CTNNA2: variants seen among roughly 807,000 people sequenced by gnomAD.
CTNNA2 encodes the protein catenin alpha-2.
CTNNA2 carries 42 observed loss-of-function variants against 101.0 expected under a neutral mutation model. The ratio of observed to expected loss-of-function variants is 0.42; its 90% confidence interval spans 0.32 to 0.54. CTNNA2 has a LOEUF of 0.54. Ranked by LOEUF, CTNNA2 falls within the 20% of genes least tolerant of loss-of-function variation. The pLI is 0.14. For synonymous variants in CTNNA2, 450 were observed against 456.4 expected, an observed-to-expected ratio of 0.99 and a Z score of 0.18; for missense variants, 871 against 1,223.1, an observed-to-expected ratio of 0.71 and a Z score of 4.29.
intron 7 of CTNNA2, among the ~76,000 whole-genome samples, chr2:80,158,910 C>CAA (rs57487842): frequency 4.5e-5 from 4 of 89,054 alleles, no homozygotes; most frequent in Admixed American, 1.3e-4. Context: ...GACTCCGTCT[C>CAA]AAAAAAAAAA....
chr2:79,892,412 G>T (rs2104216450), intron 6 of CTNNA2, among the ~76,000 whole-genome samples: 1 of 151,180 alleles, frequency 6.6e-6, no homozygotes, highest in East Asian at 1.9e-4. Flanking sequence ...CTCATTACCT[G>T]TATTAAAAAA....
intron 7 of CTNNA2, among the ~76,000 whole-genome samples, chr2:80,013,109 T>C (rs980150786): frequency 2.6e-5 from 4 of 152,144 alleles, no homozygotes; most frequent in Non-Finnish European, 5.9e-5. Flanking sequence ...GAGGCTGCAG[T>C]GAGCTATGAT....
chr2:79,238,551 A>G (rs1674585755), intron 2 of CTNNA2, among the ~76,000 whole-genome samples: 1 of 152,248 alleles, frequency 6.6e-6, no homozygotes, highest in Non-Finnish European at 1.5e-5. Flanking sequence ...ATTTGTATTA[A>G]AAAAAGTGAA....
Position 80,302,411 on chromosome 2 carries a change from T to C in CTNNA2, c.1057-90800T>C. On this transcript the variant is annotated intron_variant, in intron 7 of 18. Transcript: ENST00000402739. This position sits in a 1 kb window ranked among gnomAD's most constrained non-coding sequence, Gnocchi z 6.4. ...ATGCATGGTCTGTTTCTGCTTTTGC[T>C]TCCTGCGCTGCGTGACAAAGCACTG... The C allele has an allele frequency of 6.2e-7, 1 of 1,614,248 alleles. No individual in the cohort carries two copies. The highest frequency in any genetic ancestry group is 8.5e-7 in the Non-Finnish European group (1 of 1,180,046).
intron 1 of CTNNA2, 128 bp downstream of exon 1, chr2:79,513,335 C>T (rs530777423): frequency 6.7e-6 from 1 of 149,902 alleles, no homozygotes; most frequent in Non-Finnish European, 1.5e-5. Context: ...CAACATCCCT[C>T]TCTCCTCTCC....
At chr2:79,705,840 T>G (rs1267223498) in intron 2 of CTNNA2, among the ~76,000 whole-genome samples, 1 of 152,220 alleles carries the variant, frequency 6.6e-6, no homozygotes, top group Non-Finnish European at 1.5e-5. Flanking sequence ...AAAAAGAGTA[T>G]GCTTCTTTGC....
At chr2:79,377,797 T>C (rs1677994648) in intron 4 of CTNNA2, among the ~76,000 whole-genome samples, 1 of 152,140 alleles carries the variant, frequency 6.6e-6, no homozygotes, top group Non-Finnish European at 1.5e-5. Context: ...GCCTTTATTA[T>C]AGCAAGTATC....
At chr2:79,983,793 C>A (rs904387670) in intron 7 of CTNNA2, among the ~76,000 whole-genome samples, 1 of 152,138 alleles carries the variant, frequency 6.6e-6, no homozygotes, top group Non-Finnish European at 1.5e-5. Flanking sequence ...ACTAGTACTG[C>A]AAAGCCATTG....
At chr2:80,545,788 C>A in intron 10 of CTNNA2, 119 bp from the exon 11 acceptor site, 1 of 927,626 alleles carries the variant, frequency 1.1e-6, no homozygotes, top group Non-Finnish European at 1.6e-6. Context: ...TTCTGAACAC[C>A]AAGAACCCAC....
intron 9 of CTNNA2, among the ~76,000 whole-genome samples, chr2:80,456,404 C>A (rs942236698): frequency 2.0e-5 from 3 of 152,146 alleles, no homozygotes; most frequent in African/African-American, 7.2e-5. Flanking sequence ...AATACTGCAA[C>A]TGATGTAGTC....
intron 7 of CTNNA2, among the ~76,000 whole-genome samples, chr2:80,343,708 C>G (rs558809351): frequency 7.2e-5 from 11 of 152,154 alleles, no homozygotes; most frequent in Non-Finnish European, 1.5e-4. Flanking sequence ...CCTTTTGAAC[C>G]AATAAAAGGA....
At chr2:79,680,164 G>C (rs1373354135) in intron 2 of CTNNA2, among the ~76,000 whole-genome samples, 1 of 151,984 alleles carries the variant, frequency 6.6e-6, no homozygotes, top group Non-Finnish European at 1.5e-5. Flanking sequence ...TTTTGGTGTT[G>C]TTTTAAATGA....
At chr2:79,763,456 G>T (rs947517265) in intron 3 of CTNNA2, among the ~76,000 whole-genome samples, 3 of 151,954 alleles carry the variant, frequency 2.0e-5, no homozygotes, top group African/African-American at 7.2e-5. Context: ...TTTATGATTT[G>T]TATGTTTTTT....
intron 6 of CTNNA2, among the ~76,000 whole-genome samples, chr2:79,878,587 G>A (rs1683192826): frequency 6.6e-6 from 1 of 152,168 alleles, no homozygotes; most frequent in Non-Finnish European, 1.5e-5. Flanking sequence ...AATGATGAGT[G>A]ATGTTGAGCT....
chr2:79,596,306 T>TCA (rs112121699), intron 1 of CTNNA2, among the ~76,000 whole-genome samples: 19 of 151,696 alleles, frequency 1.3e-4, no homozygotes, highest in African/African-American at 4.4e-4. Flanking sequence ...TCATTGGAGC[T>TCA]CAGAGTCAAG....
At chr2:79,341,515 G>A (rs11126711) in intron 3 of CTNNA2, among the ~76,000 whole-genome samples, 125,204 of 152,124 alleles carry the variant, frequency 0.82, 51,726 homozygotes, top group East Asian at 0.99. Flanking sequence ...TTACAGGATG[G>A]TTTTCCACGA....
chr2:80,380,247 A>G (rs538084366), intron 7 of CTNNA2, among the ~76,000 whole-genome samples: 19 of 152,210 alleles, frequency 1.2e-4, no homozygotes, highest in East Asian at 9.7e-4. Flanking sequence ...CGTGTTAGCC[A>G]GGATAATCTC....
intron 7 of CTNNA2, among the ~76,000 whole-genome samples, chr2:79,911,345 T>C (rs1468234028): frequency 1.3e-5 from 2 of 152,268 alleles, no homozygotes; most frequent in African/African-American, 4.8e-5. Flanking sequence ...GAATAGTTAC[T>C]GCCAAAGAAG....
At chr2:79,921,761 T>C (rs920667130) in intron 7 of CTNNA2, among the ~76,000 whole-genome samples, 2 of 152,202 alleles carry the variant, frequency 1.3e-5, no homozygotes, top group Non-Finnish European at 2.9e-5. Context: ...ACTTAGAGCA[T>C]CAACCCAGAG....
Sources: gnomAD v4.1 joint callset for allele counts (sites outside exome capture counted in the v4.1 genomes callset) on GRCh38, gnomAD v4.1.1 for gene constraint, Gnocchi (gnomAD v3.1) non-coding constraint, MANE v1.5 for transcripts, NCBI Gene and HGNC (gene_info 2026-07-23, HGNC 2026-07-21) for gene names.